Variants in RFFL observed in about 807,000 individuals in gnomAD.
RFFL encodes ring finger and FYVE like domain containing E3 ubiquitin protein ligase, also known as E3 ubiquitin-protein ligase rififylin.
RFFL carries 16 observed loss-of-function variants against 40.4 expected under a neutral mutation model. The ratio of observed to expected loss-of-function variants is 0.40; its 90% CI spans 0.27 to 0.60. The LOEUF is 0.60. Ranked by LOEUF, RFFL falls within the 20% of genes least tolerant of loss-of-function variation. The pLI, the probability that RFFL is intolerant of heterozygous loss-of-function variation, is 0.47. For synonymous variants in RFFL, 154 were observed against 167.9 expected, an observed-to-expected ratio of 0.92 and a Z score of 0.64; for missense variants, 367 against 451.7, an observed-to-expected ratio of 0.81 and a Z score of 1.70.
intron 1 of RFFL, among the ~76,000 whole-genome samples, chr17:35,034,764 G>A (rs748170784): frequency 6.6e-6 from 1 of 152,072 alleles, no homozygotes; most frequent in Non-Finnish European, 1.5e-5. Context: ...GACCTCAGGT[G>A]ATCCACCTGC....
chr17:35,059,017 AT>A (rs750015998), intron 1 of RFFL, among the ~76,000 whole-genome samples: 2,864 of 123,468 alleles, frequency 0.023, 36 homozygotes, highest in African/African-American at 0.069. Flanking sequence ...TCGAGCTAGA[AT>A]TTTTTTTTTT....
At chr17:35,088,879 G>A (rs192512260) in intron 1 of RFFL, 2 of 152,438 alleles carry the variant, frequency 1.3e-5, no homozygotes, top group African/African-American at 4.8e-5. Flanking sequence ...CGCTTTCTTT[G>A]AGGGGACTTT....
chr17:35,034,060 G>A (rs1446955954), intron 1 of RFFL, among the ~76,000 whole-genome samples: 3 of 150,650 alleles, frequency 2.0e-5, no homozygotes, highest in Admixed American at 6.6e-5. Flanking sequence ...GGAGAATGGC[G>A]TGAACCCGGG....
chr17:35,078,866 G>C (rs997235231), intron 1 of RFFL, among the ~76,000 whole-genome samples: 6 of 151,964 alleles, frequency 3.9e-5, no homozygotes, highest in Admixed American at 6.6e-5. Context: ...TGTGGTCCCA[G>C]CTACTCAGGA....
At position 35,009,313 on chromosome 17, in the gene RFFL, A is replaced by G. The variant is rs779099261; in HGVS notation, c.*2655T>C. On this transcript the variant is annotated 3_prime_UTR_variant, in exon 7 of 7. Transcript: ENST00000394597. ...ACTAGTTCCTGTACAGCTTATTCTT[A>G]TTAGTTTGGATCCAACTATTCCAAT... 1.3e-5 allele frequency: 2 copies of G among 152,344 alleles called. No individual in the cohort carries two copies. Among genetic ancestry groups the G allele is most frequent in the Non-Finnish European group, 2.9e-5 (2 of 68,032 alleles). 9.4% of individuals were successfully genotyped at this position (152,344 alleles called of 1,614,324 possible).
intron 1 of RFFL, chr17:35,069,402 T>G: frequency 2.2e-6 from 1 of 453,716 alleles, no homozygotes; most frequent in Non-Finnish European, 4.4e-6. Flanking sequence ...CAGTTAATCT[T>G]CAACCTGGTT....
At chr17:35,012,206 A>C (rs2090945286) in intron 6 of RFFL, 57 bp from the exon 7 acceptor site, 1 of 1,512,006 alleles carries the variant, frequency 6.6e-7, no homozygotes, top group Non-Finnish European at 9.1e-7. Flanking sequence ...GAATGTCTTA[A>C]GTGTATAGGG....
At chr17:35,024,322 A>C (rs2091028037) in intron 2 of RFFL, among the ~76,000 whole-genome samples, 1 of 152,078 alleles carries the variant, frequency 6.6e-6, no homozygotes, top group African/African-American at 2.4e-5. Context: ...AAAAGGTAAC[A>C]CGGTTACCTT....
intron 1 of RFFL, among the ~76,000 whole-genome samples, chr17:35,054,518 T>C (rs1425205358): frequency 6.6e-6 from 1 of 152,152 alleles, no homozygotes; most frequent in African/African-American, 2.4e-5. Flanking sequence ...TACTGAACTC[T>C]TACTCTATCT....
At chr17:35,073,922 C>T (rs898219568) in intron 1 of RFFL, 11 of 152,170 alleles carry the variant, frequency 7.2e-5, no homozygotes, top group Admixed American at 6.5e-4. Context: ...TTAGAATAAA[C>T]TATAAAACAT....
chr17:35,016,636 C>G, intron 4 of RFFL, 56 bp from the exon 5 acceptor site: 1 of 1,418,822 alleles, frequency 7.0e-7, no homozygotes, highest in Non-Finnish European at 9.9e-7. Context: ...CAAGCTCTTT[C>G]TCCAAGGACC....
At chr17:35,053,611 T>C (rs1011755826) in intron 1 of RFFL, among the ~76,000 whole-genome samples, 4 of 152,188 alleles carry the variant, frequency 2.6e-5, no homozygotes, top group African/African-American at 9.6e-5. Flanking sequence ...GGTTTCCTCA[T>C]TTGTAAATTG....
intron 3 of RFFL, chr17:35,018,631 C>T (rs2142318769): frequency 6.6e-6 from 1 of 152,322 alleles, no homozygotes; most frequent in African/African-American, 2.4e-5. Context: ...CCACTCACCC[C>T]ACATTAGGAT....
At chr17:35,075,997 T>C (rs2091374170) in intron 1 of RFFL, among the ~76,000 whole-genome samples, 1 of 141,898 alleles carries the variant, frequency 7.0e-6, no homozygotes, top group Admixed American at 7.0e-5. Flanking sequence ...TTTTTTTTTT[T>C]TTTTTTTTTT....
At chr17:35,012,234 G>A in intron 6 of RFFL, 85 bp from the exon 7 acceptor site, 1 of 1,172,174 alleles carries the variant, frequency 8.5e-7, no homozygotes, top group Non-Finnish European at 1.2e-6. Flanking sequence ...GGGGAGGGAG[G>A]TGGGAGATAA....
intron 1 of RFFL, among the ~76,000 whole-genome samples, chr17:35,068,722 T>G (rs1288276324): frequency 6.6e-6 from 1 of 152,010 alleles, no homozygotes; most frequent in Non-Finnish European, 1.5e-5. Context: ...TGTCAGTAAT[T>G]GAAAAAGTAG....
rs533645537 is a variant in RFFL, at chr17:35,030,145, T to C, written c.-8-3584A>G. Among the ~76,000 whole-genome samples, 235 of 150,190 alleles carry C rather than the reference T, an allele frequency of 1.6e-3. 1 individual carries two copies. The highest frequency in any genetic ancestry group is 5.3e-3 in the African/African-American group (215 of 40,328). On this transcript the variant is annotated intron_variant, in intron 1 of 6. Transcript: ENST00000394597. ...TTTGCTATTGTGAATAGTGCCGCAATAAACATACGTGTGCATGTGTCTTTA... is the reference window on the plus strand; with the variant it reads ...TTTGCTATTGTGAATAGTGCCGCAACAAACATACGTGTGCATGTGTCTTTA...
At chr17:35,029,515 T>C (rs1370853785) in intron 1 of RFFL, among the ~76,000 whole-genome samples, 1 of 140,706 alleles carries the variant, frequency 7.1e-6, no homozygotes, top group African/African-American at 2.6e-5. Context: ...AGCTAATTTT[T>C]GCTTTCTTTT....
chr17:35,055,490 C>T (rs139176512), intron 1 of RFFL, among the ~76,000 whole-genome samples: 41 of 151,858 alleles, frequency 2.7e-4, no homozygotes, highest in African/African-American at 3.6e-4. Flanking sequence ...CTGGCCAAAA[C>T]GGTGAAAACC....
Sources: allele counts gnomAD v4.1 joint callset (sites outside exome capture counted in the v4.1 genomes callset), GRCh38; gene constraint gnomAD v4.1.1; transcripts MANE v1.5; gene names NCBI Gene and HGNC (gene_info 2026-07-23, HGNC 2026-07-21).